CFAP299: variants seen among roughly 807,000 people sequenced by gnomAD.
The protein encoded by CFAP299 is cilia- and flagella-associated protein 299.
CFAP299 carries 21 observed loss-of-function variants against 27.0 expected under a neutral mutation model. The observed-to-expected ratio is 0.78, with a 90% confidence interval of 0.55 to 1.12. The LOEUF (loss-of-function observed/expected upper bound fraction) is 1.12, where lower values mean the gene tolerates loss of function less well. Ranked by LOEUF, CFAP299 falls within the 50% of genes most tolerant of loss-of-function variation. The pLI, the probability that CFAP299 is intolerant of heterozygous loss-of-function variation, is 0.00. For synonymous variants in CFAP299, 104 were observed against 98.1 expected, an observed-to-expected ratio of 1.06 and a Z score of -0.36; for missense variants, 310 against 276.6, an observed-to-expected ratio of 1.12 and a Z score of -0.86.
chr4:80,581,453 G>GAGAGATATAT (rs1553936101), intron 2 of CFAP299, among the ~76,000 whole-genome samples: 2 of 103,018 alleles, frequency 1.9e-5, no homozygotes, highest in African/African-American at 1.3e-4. Flanking sequence ...TATTAAGTGA[G>GAGAGATATAT]ATATATATAT....
intron 3 of CFAP299, among the ~76,000 whole-genome samples, chr4:80,829,162 A>G (rs192845447): frequency 1.5e-4 from 23 of 152,156 alleles, no homozygotes; most frequent in Admixed American, 1.5e-3. Flanking sequence ...GGAGAAAATA[A>G]TTGCAAATCA....
chr4:80,412,524 T>C (rs1307881627), intron 2 of CFAP299, among the ~76,000 whole-genome samples: 2 of 152,172 alleles, frequency 1.3e-5, no homozygotes, highest in Admixed American at 6.5e-5. Context: ...GAGGAGCAAG[T>C]GATTCATTCT....
chr4:80,330,519 A>G, the CFAP299 span, among the ~76,000 whole-genome samples: 1 of 152,116 alleles, frequency 6.6e-6, no homozygotes, highest in Non-Finnish European at 1.5e-5. Flanking sequence ...TTGAAACTTT[A>G]GCACATGAGA....
intron 2 of CFAP299, among the ~76,000 whole-genome samples, chr4:80,503,958 A>C (rs1731866766): frequency 6.6e-6 from 1 of 152,154 alleles, no homozygotes; most frequent in Non-Finnish European, 1.5e-5. Flanking sequence ...CAATTGTAGG[A>C]GGTAGAGATG....
intron 3 of CFAP299, among the ~76,000 whole-genome samples, chr4:80,817,318 G>A (rs541931908): frequency 2.6e-5 from 4 of 151,756 alleles, no homozygotes; most frequent in East Asian, 3.9e-4. Context: ...TATGAAAACC[G>A]ATAAATAAAT....
At chr4:80,615,535 T>G (rs1406927751) in intron 3 of CFAP299, among the ~76,000 whole-genome samples, 1 of 149,240 alleles carries the variant, frequency 6.7e-6, no homozygotes, top group Non-Finnish European at 1.5e-5. Flanking sequence ...GCATCTTTCT[T>G]TCTTTTTTTT....
At chr4:80,665,801 A>G (rs1741117196) in intron 3 of CFAP299, among the ~76,000 whole-genome samples, 1 of 152,128 alleles carries the variant, frequency 6.6e-6, no homozygotes, top group Non-Finnish European at 1.5e-5. Context: ...ATGGTTCAGT[A>G]CAATCGCCTT....
At chr4:80,781,186 A>G (rs1284336114) in intron 3 of CFAP299, among the ~76,000 whole-genome samples, 2 of 151,938 alleles carry the variant, frequency 1.3e-5, no homozygotes, top group Admixed American at 6.6e-5. Flanking sequence ...AATTCACACC[A>G]TTTTTCTTCA....
At chr4:80,399,842 TAA>T (rs1246093458) in intron 2 of CFAP299, among the ~76,000 whole-genome samples, 1 of 151,972 alleles carries the variant, frequency 6.6e-6, no homozygotes, top group African/African-American at 2.4e-5. Flanking sequence ...AGTATAATAA[TAA>T]AAAAAATTTA....
Position 80,609,733 on chromosome 4 carries a change from A to ATG in CFAP299, c.333+26550_333+26551insTG, listed in dbSNP as rs1215889415. On this transcript the variant is annotated intron_variant, in intron 3 of 5. Coordinates refer to ENST00000358105, the MANE Select transcript of CFAP299 (RefSeq NM_152770.3). ...TCTTAAAATTGCTATTTTATGTGTA[A>ATG]CTGTTTTGGTAGTTCTCTAGTAATA... 1.4e-4 allele frequency among the ~76,000 whole-genome samples: 22 copies of ATG among 151,928 alleles called. 1 individual carries two copies. Among genetic ancestry groups the ATG allele is most frequent in the Non-Finnish European group, 1.5e-4 (10 of 67,912 alleles).
Position 80,583,176 on chromosome 4 carries a change from A to C in CFAP299, c.326A>C (p.Lys109Thr), listed in dbSNP as rs1416581209. ...AMREEDNRSG[K>T]LSSVIFIRDR... Reference sequence around the variant, plus strand: ...AGAGAAGAAGACAATCGCAGTGGAAAACTGAGTGTAAGTACATTTCATCCA... The same window carrying C: ...AGAGAAGAAGACAATCGCAGTGGAACACTGAGTGTAAGTACATTTCATCCA... The change falls in exon 3 of 6, where the codon AAA (lysine) becomes ACA (threonine). Residue 109 changes from lysine (K) to threonine (T), a missense_variant. Transcript: ENST00000358105. 1 of 1,601,324 alleles carries C rather than the reference A, an allele frequency of 6.2e-7. No homozygotes were observed. The highest frequency in any genetic ancestry group is 8.5e-7 in the Non-Finnish European group (1 of 1,171,100).
upstream of CFAP299, among the ~76,000 whole-genome samples, chr4:80,332,491 A>G (rs1036530405): frequency 6.6e-6 from 1 of 152,222 alleles, no homozygotes; most frequent in African/African-American, 2.4e-5. Context: ...TAGTGAAGGT[A>G]TGGAAGGAGG....
At chr4:80,486,656 C>T (rs1382750559) in intron 2 of CFAP299, among the ~76,000 whole-genome samples, 1 of 152,208 alleles carries the variant, frequency 6.6e-6, no homozygotes, top group Non-Finnish European at 1.5e-5. Flanking sequence ...ATATCCCAGG[C>T]CTCAGCACTG....
intron 2 of CFAP299, among the ~76,000 whole-genome samples, chr4:80,422,060 C>G (rs1484683790): frequency 6.6e-6 from 1 of 152,022 alleles, no homozygotes; most frequent in Non-Finnish European, 1.5e-5. Context: ...AGTCAGCAGA[C>G]CTAAGGGCTG....
At chr4:80,733,723 C>T (rs1382869944) in intron 3 of CFAP299, among the ~76,000 whole-genome samples, 30 of 152,062 alleles carry the variant, frequency 2.0e-4, no homozygotes, top group Admixed American at 2.0e-3. Flanking sequence ...TGATGTTTGC[C>T]TTTCCATGGC....
In CFAP299 at chr4:80,864,441, T is replaced by C. The variant is rs191524362; in HGVS notation, c.334-5552T>C. 5.1e-3 allele frequency among the ~76,000 whole-genome samples: 748 copies of C among 146,070 alleles called. 2 individuals are homozygous for C. The highest frequency in any genetic ancestry group is 0.013 in the African/African-American group (516 of 40,006). On this transcript the variant is annotated intron_variant, in intron 3 of 5. Coordinates refer to ENST00000358105, the MANE Select transcript of CFAP299 (RefSeq NM_152770.3). ...GTGTATATATATAGGTATATATATA[T>C]ATATATACCTATATAAGTATATATA...
chr4:80,945,083 C>T (rs1406488948), intron 5 of CFAP299, 144 bp downstream of exon 5: 1 of 745,542 alleles, frequency 1.3e-6, no homozygotes, highest in Non-Finnish European at 2.2e-6. Flanking sequence ...AGAGCATGTA[C>T]TACCTTTTAA....
intron 3 of CFAP299, among the ~76,000 whole-genome samples, chr4:80,611,315 T>G (rs781120732): frequency 6.6e-6 from 1 of 152,100 alleles, no homozygotes; most frequent in Non-Finnish European, 1.5e-5. Context: ...GAGCAAAGTT[T>G]TAAAATATTC....
At chr4:80,716,151 G>A (rs1401884164) in intron 3 of CFAP299, among the ~76,000 whole-genome samples, 1 of 151,924 alleles carries the variant, frequency 6.6e-6, no homozygotes, top group African/African-American at 2.4e-5. Context: ...TAAGTACAGG[G>A]TAAGAAAATA....
Sources: gnomAD v4.1 joint callset for allele counts (sites outside exome capture counted in the v4.1 genomes callset) on GRCh38, gnomAD v4.1.1 for gene constraint, MANE v1.5 for transcripts, NCBI Gene and HGNC (gene_info 2026-07-23, HGNC 2026-07-21) for gene names.